TTC23: variants seen among roughly 807,000 people sequenced by gnomAD.
TTC23 encodes the protein tetratricopeptide repeat protein 23.
A neutral mutation model predicts 55.1 loss-of-function variants in TTC23; 58 were observed. The observed-to-expected ratio is 1.05, with a 90% CI of 0.85 to 1.31. The LOEUF is 1.31. Among genes scored for constraint, TTC23 ranks in the 50% most tolerant of loss-of-function variants. The probability of loss-of-function intolerance (pLI) is 0.00; values close to 1 mark genes in which losing one functional copy is unlikely to be tolerated. For missense variants in TTC23, 516 were observed against 534.4 expected (o/e 0.97, Z 0.34); for synonymous variants, 203 against 199.9 (o/e 1.02, Z -0.13).
At chr15:99,242,320 A>G (rs1214292634) in intron 2 of TTC23, among the ~76,000 whole-genome samples, 1 of 152,072 alleles carries the variant, frequency 6.6e-6, no homozygotes, top group Non-Finnish European at 1.5e-5. Flanking sequence ...AAATCTGAAT[A>G]GATCTATAAC....
intron 9 of TTC23, among the ~76,000 whole-genome samples, chr15:99,189,563 T>C (rs2075046595): frequency 1.3e-5 from 2 of 151,994 alleles, no homozygotes. Flanking sequence ...ATGGATTTCA[T>C]GTGCCTCTGA....
At chr15:99,235,474 G>A (rs972592622) in intron 3 of TTC23, among the ~76,000 whole-genome samples, 3 of 151,386 alleles carry the variant, frequency 2.0e-5, no homozygotes, top group Admixed American at 6.6e-5. Flanking sequence ...GGGTTCAAGC[G>A]ATTCCCCTGC....
At chr15:99,148,898 C>T (rs747366435) in intron 12 of TTC23, among the ~76,000 whole-genome samples, 17 of 152,194 alleles carry the variant, frequency 1.1e-4, no homozygotes, top group Non-Finnish European at 2.4e-4. Flanking sequence ...TTTAATCCTG[C>T]TGTGTGTGTG....
intron 12 of TTC23, among the ~76,000 whole-genome samples, chr15:99,150,864 C>T (rs782051780): frequency 6.6e-6 from 1 of 152,210 alleles, no homozygotes; most frequent in African/African-American, 2.4e-5. Context: ...CACCAGCAAC[C>T]CTACAGCCAG....
intron 12 of TTC23, among the ~76,000 whole-genome samples, chr15:99,149,089 G>A (rs2069356577): frequency 6.6e-6 from 1 of 152,204 alleles, no homozygotes; most frequent in East Asian, 1.9e-4. Context: ...TCGCCGGGTG[G>A]TGCTTAGCTC....
intron 1 of TTC23, among the ~76,000 whole-genome samples, chr15:99,247,301 A>G (rs540673851): frequency 2.6e-5 from 4 of 151,930 alleles, no homozygotes; most frequent in African/African-American, 9.6e-5. Context: ...TATGACAGTA[A>G]TTCCACTCGT....
intron 9 of TTC23, among the ~76,000 whole-genome samples, chr15:99,199,401 C>A (rs1259142869): frequency 8.3e-6 from 1 of 120,056 alleles, no homozygotes; most frequent in African/African-American, 3.5e-5. Flanking sequence ...AACCCTGTCT[C>A]TCCAAAAAAA....
At chr15:99,161,614 G>A in intron 11 of TTC23, 126 bp downstream of exon 11, 3 of 1,078,112 alleles carry the variant, frequency 2.8e-6, no homozygotes, top group Non-Finnish European at 2.6e-6. Context: ...TTATTTATGT[G>A]TCCCTCTAGA....
Position 99,218,987 on chromosome 15 carries a change from A to G in TTC23, c.366T>C (p.Ile122=). 1 of 1,614,222 alleles carries G rather than the reference A, an allele frequency of 6.2e-7. No individual in the cohort carries two copies. The highest frequency in any genetic ancestry group is 8.5e-7 in the Non-Finnish European group (1 of 1,180,030). The change falls in exon 7 of 14, where the codon ATT becomes ATC. Residue 122 remains isoleucine (I), a synonymous_variant. Transcript: ENST00000394132. The part of the protein sequence containing the change: ...EKARQILANS[I]VPPYSENTDV... ...CTGTATTCTCACTATAGGGAGGCAC[A>G]ATGGAGTTGGCGAGGATTTGTCTGG...
In TTC23 at chr15:99,217,439, G is replaced by A. The variant is rs1391188267; in HGVS notation, c.581+1149C>T. Among the ~76,000 whole-genome samples the A allele has an allele frequency of 2.6e-5, 4 of 152,198 alleles. No individual in the cohort carries two copies. In the South Asian group the frequency reaches 8.3e-4, roughly 31 times the overall value. On this transcript the variant is annotated intron_variant, in intron 8 of 13. Coordinates refer to ENST00000394132, the MANE Select transcript of TTC23 (RefSeq NM_001288615.3). ...CCCAAAGTGCTGGGATTACAGGCAT[G>A]AGCCACTGTGCCCGGCCAAATTTAT...
intron 4 of TTC23, among the ~76,000 whole-genome samples, chr15:99,231,959 A>G (rs993013712): frequency 6.7e-6 from 1 of 150,106 alleles, no homozygotes; most frequent in African/African-American, 2.5e-5. Flanking sequence ...TGCCTGGCTA[A>G]TTTTGTATTT....
intron 4 of TTC23, among the ~76,000 whole-genome samples, chr15:99,233,358 G>A (rs1172419685): frequency 6.6e-6 from 1 of 152,100 alleles, no homozygotes; most frequent in Non-Finnish European, 1.5e-5. Context: ...CATCACTACA[G>A]ATTCTACAAA....
At chr15:99,229,769 C>A (rs2078780346) in intron 4 of TTC23, among the ~76,000 whole-genome samples, 1 of 152,194 alleles carries the variant, frequency 6.6e-6, no homozygotes, top group Non-Finnish European at 1.5e-5. Flanking sequence ...CTGTTCCCAC[C>A]AACCAGACTG....
chr15:99,144,879 T>C (rs1460715813), intron 12 of TTC23: 1 of 152,214 alleles, frequency 6.6e-6, no homozygotes, highest in African/African-American at 2.4e-5. Context: ...GAGAAATTAC[T>C]CAGAAACTTG....
chr15:99,213,085 GC>G (rs2077178387), intron 8 of TTC23, among the ~76,000 whole-genome samples: 1 of 151,228 alleles, frequency 6.6e-6, no homozygotes, highest in Non-Finnish European at 1.5e-5. Context: ...AAAAGAAAAG[GC>G]CCTCATGGTT....
Position 99,138,143 on chromosome 15 carries a change from G to C in TTC23, c.1227-16C>G. On this transcript the variant is annotated splice_polypyrimidine_tract_variant and intron_variant, in intron 13 of 13. Transcript: ENST00000394132. ...CTTGGGGGCCCTGCAGACAAGCAGA[G>C]GGTGGGGTGAGTGTGGTGCCCCTCA... 6.2e-7 allele frequency: 1 copy of C among 1,611,644 alleles called. No homozygotes were observed. Among genetic ancestry groups the C allele is most frequent in the Non-Finnish European group, 8.5e-7 (1 of 1,179,774 alleles).
intron 12 of TTC23, among the ~76,000 whole-genome samples, chr15:99,155,048 C>G (rs1555498502): frequency 6.6e-6 from 1 of 151,886 alleles, no homozygotes; most frequent in African/African-American, 2.4e-5. Flanking sequence ...ATAGAATACC[C>G]CCAAAACCTG....
chr15:99,187,856 G>T (rs866500662), intron 9 of TTC23, among the ~76,000 whole-genome samples: 32 of 152,010 alleles, frequency 2.1e-4, no homozygotes, highest in African/African-American at 7.7e-4. Flanking sequence ...TGTTGGTGAG[G>T]ATGTGGAGAT....
In TTC23 at chr15:99,244,243, T is replaced by C. The variant is rs568245239; in HGVS notation, c.-309+1146A>G. ...AAGATTGGAAACAAGGCAAGAATGA[T>C]TTCTCTCACCACCTGTAGTCAAAGT... On this transcript the variant is annotated intron_variant, in intron 2 of 13. Transcript: ENST00000394132. Among the ~76,000 whole-genome samples the C allele has an allele frequency of 2.0e-5, 3 of 152,320 alleles. No homozygotes were observed. The South Asian group carries it at 6.2e-4, about 32-fold the overall frequency.
Sources: gnomAD v4.1 joint callset for allele counts (sites outside exome capture counted in the v4.1 genomes callset) on GRCh38, gnomAD v4.1.1 for gene constraint, MANE v1.5 for transcripts, NCBI Gene and HGNC (gene_info 2026-07-23, HGNC 2026-07-21) for gene names.